Variants in OTUD7A observed in about 807,000 individuals in gnomAD.
OTUD7A encodes the protein OTU domain-containing protein 7A.
In OTUD7A, 12 loss-of-function variants were observed where a neutral mutation model predicts 65.7. The ratio of observed to expected loss-of-function variants is 0.18; its 90% CI spans 0.12 to 0.30. The LOEUF (loss-of-function observed/expected upper bound fraction) is 0.30. OTUD7A is among the 10% of genes least tolerant of loss of function. The pLI is 1.00. For missense variants in OTUD7A, 1,148 were observed against 1,304.8 expected (o/e 0.88, Z 1.85); for synonymous variants, 641 against 586.3 (o/e 1.09, Z -1.35).
chr15:31,858,448 A>G (rs142605702), intron 1 of OTUD7A, among the ~76,000 whole-genome samples: 280 of 152,310 alleles, frequency 1.8e-3, no homozygotes, highest in Middle Eastern at 0.01. Flanking sequence ...CAGCTCAGCC[A>G]TGTACATCTG....
chr15:31,812,722 AAT>A (rs1896452332), intron 1 of OTUD7A, among the ~76,000 whole-genome samples: 1 of 152,150 alleles, frequency 6.6e-6, no homozygotes, highest in African/African-American at 2.4e-5. Flanking sequence ...TGCAGTCTCA[AAT>A]AGTGTCACCC....
At chr15:31,734,238 C>G (rs1036316423) in intron 1 of OTUD7A, among the ~76,000 whole-genome samples, 2 of 152,210 alleles carry the variant, frequency 1.3e-5, no homozygotes, top group South Asian at 2.1e-4. Flanking sequence ...CAAAACACTG[C>G]TTAAAGAAAT....
chr15:31,786,160 G>A (rs1315105959), intron 1 of OTUD7A, among the ~76,000 whole-genome samples: 1 of 152,162 alleles, frequency 6.6e-6, no homozygotes, highest in Admixed American at 6.5e-5. Flanking sequence ...GGCCTCACCA[G>A]ATGCAGCTCT....
At chr15:31,646,662 T>C (rs1227576076) in intron 3 of OTUD7A, among the ~76,000 whole-genome samples, 1 of 152,108 alleles carries the variant, frequency 6.6e-6, no homozygotes, top group South Asian at 2.1e-4. Context: ...GGTTTCACCA[T>C]GTTGGTCAGG....
At chr15:31,677,788 A>G (rs1299814192) in intron 1 of OTUD7A, among the ~76,000 whole-genome samples, 18 of 152,194 alleles carry the variant, frequency 1.2e-4, no homozygotes, top group Non-Finnish European at 1.3e-4. Flanking sequence ...AGACTAATAG[A>G]GTAAATTGGT....
intron 1 of OTUD7A, among the ~76,000 whole-genome samples, chr15:31,665,434 G>T (rs774284627): frequency 1.3e-5 from 2 of 152,106 alleles, no homozygotes; most frequent in African/African-American, 2.4e-5. Context: ...TTATAAAAAC[G>T]GTTGAGTTAT....
At chr15:31,506,442 T>A (rs906853204) in intron 8 of OTUD7A, among the ~76,000 whole-genome samples, 2 of 152,014 alleles carry the variant, frequency 1.3e-5, no homozygotes, top group Non-Finnish European at 2.9e-5. Context: ...TTATTTGAAA[T>A]TTTTTTTACA....
At chr15:31,667,416 A>T (rs2141291776) in intron 1 of OTUD7A, among the ~76,000 whole-genome samples, 1 of 152,248 alleles carries the variant, frequency 6.6e-6, no homozygotes. Flanking sequence ...GTTGCTTTAA[A>T]GTTTGTTTTG....
intron 8 of OTUD7A, among the ~76,000 whole-genome samples, chr15:31,518,631 A>AC (rs1346015853): frequency 1.3e-5 from 2 of 152,280 alleles, no homozygotes; most frequent in East Asian, 1.9e-4. Context: ...ATCCTGAGAC[A>AC]CCCACAGCAC....
At chr15:31,524,121 G>C (rs2041976297) in intron 8 of OTUD7A, among the ~76,000 whole-genome samples, 1 of 151,842 alleles carries the variant, frequency 6.6e-6, no homozygotes, top group South Asian at 2.1e-4. Context: ...CATATGCTCT[G>C]TCCTCTTCTG....
intron 8 of OTUD7A, among the ~76,000 whole-genome samples, chr15:31,523,760 C>T (rs2041970459): frequency 6.6e-6 from 1 of 152,192 alleles, no homozygotes; most frequent in Non-Finnish European, 1.5e-5. Flanking sequence ...GAGATGATGC[C>T]CTACACCTCT....
chr15:31,851,215 G>T (rs1897416513), intron 1 of OTUD7A, among the ~76,000 whole-genome samples: 1 of 152,222 alleles, frequency 6.6e-6, no homozygotes, highest in Non-Finnish European at 1.5e-5. Flanking sequence ...TAGGTAGAAG[G>T]TAGATTCATG....
intron 1 of OTUD7A, among the ~76,000 whole-genome samples, chr15:31,685,793 G>A (rs769308330): frequency 1.4e-4 from 22 of 152,178 alleles, no homozygotes; most frequent in Non-Finnish European, 2.1e-4. Flanking sequence ...GCTTTTGCAC[G>A]CTCTAGGAGT....
intron 1 of OTUD7A, among the ~76,000 whole-genome samples, chr15:31,734,217 A>G (rs577523313): frequency 6.6e-6 from 1 of 152,318 alleles, no homozygotes; most frequent in South Asian, 2.1e-4. Context: ...AAATCTCTAC[A>G]AGGAAAAATA....
chr15:31,642,223 T>C (rs1214301127), intron 3 of OTUD7A, among the ~76,000 whole-genome samples: 3 of 152,232 alleles, frequency 2.0e-5, no homozygotes, highest in Non-Finnish European at 4.4e-5. Context: ...TGTTGACTGA[T>C]TTTTGAATGT....
rs1483510136 is a variant in OTUD7A at position 31,508,806 on chromosome 15, GTCT to G, written c.894-4991_894-4989del. Among the ~76,000 whole-genome samples the G allele has an allele frequency of 3.3e-5, 5 of 152,380 alleles. 1 individual carries two copies. The highest frequency in any genetic ancestry group is 1.2e-4 in the African/African-American group (5 of 41,600). ...CTGGGGCTTGAGGCCCCATGGTGAC[GTCT>G]TCTGCTCCATTTCTGCTTAGCGTTG... is the stretch of plus-strand genomic sequence containing the variant. On this transcript the variant is annotated intron_variant, in intron 8 of 12. Transcript: ENST00000307050.
At chr15:31,625,625 A>G (rs1890928720) in intron 3 of OTUD7A, among the ~76,000 whole-genome samples, 1 of 152,176 alleles carries the variant, frequency 6.6e-6, no homozygotes. Flanking sequence ...ACCTAGCTAC[A>G]TCTACCTGGG....
intron 3 of OTUD7A, among the ~76,000 whole-genome samples, chr15:31,584,610 A>G (rs1193275612): frequency 6.6e-6 from 1 of 152,226 alleles, no homozygotes; most frequent in Non-Finnish European, 1.5e-5. Context: ...GCCTGGGAGG[A>G]TATACCATAC....
In OTUD7A at chr15:31,483,789, G is replaced by A. The variant is rs1595548003; in HGVS notation, c.2307C>T (p.Ser769=). 4.8e-6 allele frequency: 5 copies of A among 1,041,330 alleles called. No homozygotes were observed. The highest frequency in any genetic ancestry group is 4.4e-5 in the South Asian group (1 of 22,600). 64.5% of individuals were successfully genotyped at this position (1,041,330 alleles called of 1,614,324 possible). A position where few individuals can be genotyped will look rare whatever the true frequency, so the allele number is the denominator to read the frequency against. ...CGCTCTGGCGCGCTGGCGCCGGGGG[G>A]CTGCGGCCAGGCACTGGTCCGCTGG... ...ASASGPVPGR[S]PPAPARQSVI... is the part of the protein sequence containing the mutation. The change falls in exon 13 of 13, where the codon AGC becomes AGT. Residue 769 remains serine, a synonymous_variant. Coordinates refer to ENST00000307050, the MANE Select transcript of OTUD7A (RefSeq NM_001382637.1).
Sources: gnomAD v4.1 joint callset for allele counts (sites outside exome capture counted in the v4.1 genomes callset) on GRCh38, gnomAD v4.1.1 for gene constraint, MANE v1.5 for transcripts, NCBI Gene and HGNC (gene_info 2026-07-23, HGNC 2026-07-21) for gene names.